The following PTPRD variants were observed in gnomAD, a reference collection of about 807,000 sequenced individuals.
The protein encoded by PTPRD is receptor-type tyrosine-protein phosphatase delta.
In PTPRD, 34 loss-of-function variants were observed where a neutral mutation model predicts 214.5. That is an observed-to-expected ratio of 0.16 (90% CI 0.12 to 0.21). The LOEUF is 0.21. Ranked by LOEUF, PTPRD falls within the 10% of genes least tolerant of loss-of-function variation. The pLI is 1.00. For missense variants in PTPRD, 2,545 were observed against 2,398.7 expected, an observed-to-expected ratio of 1.06 and a Z score of -1.27; for synonymous variants, 1,128 against 845.7, an observed-to-expected ratio of 1.33 and a Z score of -5.79.
At chr9:9,853,588 T>C (rs868650242) in intron 5 of PTPRD, among the ~76,000 whole-genome samples, 15 of 152,066 alleles carry the variant, frequency 9.9e-5, no homozygotes, top group South Asian at 6.2e-4. Context: ...GTCACTCTGT[T>C]GCCAGGCTGG....
At chr9:10,304,179 T>C (rs2095971322) in intron 3 of PTPRD, among the ~76,000 whole-genome samples, 2 of 152,090 alleles carry the variant, frequency 1.3e-5, no homozygotes, top group African/African-American at 4.8e-5. Flanking sequence ...ATTATCTCAA[T>C]AAATGCAGAA....
chr9:10,237,853 C>G (rs923678564), intron 3 of PTPRD, among the ~76,000 whole-genome samples: 29 of 151,830 alleles, frequency 1.9e-4, no homozygotes, highest in African/African-American at 6.3e-4. Context: ...CAAATTAGCA[C>G]CTATTACAAA....
At chr9:8,543,487 G>C (rs2079021331) in intron 14 of PTPRD, among the ~76,000 whole-genome samples, 1 of 152,120 alleles carries the variant, frequency 6.6e-6, no homozygotes, top group African/African-American at 2.4e-5. Flanking sequence ...ACTAAAGGAA[G>C]GAAGAATGTG....
chr9:9,653,614 T>C (rs980540543), intron 7 of PTPRD, among the ~76,000 whole-genome samples: 1 of 152,142 alleles, frequency 6.6e-6, no homozygotes, highest in African/African-American at 2.4e-5. Context: ...GAAACATTAC[T>C]GAACAGCATG....
chr9:8,480,921 C>T (rs1049160390), intron 30 of PTPRD, among the ~76,000 whole-genome samples: 1 of 151,960 alleles, frequency 6.6e-6, no homozygotes, highest in Non-Finnish European at 1.5e-5. Context: ...GGTTGGATCA[C>T]GAGGTCAGGA....
intron 6 of PTPRD, among the ~76,000 whole-genome samples, chr9:9,734,934 T>TA (rs762502107): frequency 3.2e-4 from 49 of 152,118 alleles, no homozygotes; most frequent in Non-Finnish European, 6.6e-4. Context: ...TTAATGTTTT[T>TA]ATGGGAGAAG....
chr9:9,046,626 C>T lies in PTPRD; in HGVS notation c.-142-27891G>A, dbSNP rs542583573. On this transcript the variant is annotated intron_variant, in intron 10 of 45. Transcript: ENST00000381196. The stretch of plus-strand genomic sequence containing the variant: ...GGTGATATTACTCTATGATAGGGGT[C>T]ATATAACTTTTTTATTAAAGGAATA... Among the ~76,000 whole-genome samples the T allele has an allele frequency of 3.4e-3, 514 of 152,160 alleles. 2 individuals are homozygous for T. The highest frequency in any genetic ancestry group is 0.011 in the African/African-American group (476 of 41,518).
intron 7 of PTPRD, among the ~76,000 whole-genome samples, chr9:9,597,023 G>T (rs1197754633): frequency 1.3e-5 from 2 of 151,950 alleles, no homozygotes; most frequent in Non-Finnish European, 2.9e-5. Flanking sequence ...GGCATGAGTG[G>T]AGATGAATAG....
intron 13 of PTPRD, among the ~76,000 whole-genome samples, chr9:8,634,457 T>C (rs1042098324): frequency 3.3e-5 from 5 of 152,066 alleles, no homozygotes; most frequent in African/African-American, 1.2e-4. Flanking sequence ...CCAGATTTTG[T>C]GTGTGCATGT....
At chr9:8,942,100 C>CT (rs371441072) in intron 11 of PTPRD, among the ~76,000 whole-genome samples, 195 of 152,294 alleles carry the variant, frequency 1.3e-3, no homozygotes, top group African/African-American at 4.6e-3. Flanking sequence ...GCCACTGCGC[C>CT]TGGCCTATAA....
At chr9:9,274,072 T>C (rs1369831905) in intron 9 of PTPRD, among the ~76,000 whole-genome samples, 1 of 151,232 alleles carries the variant, frequency 6.6e-6, no homozygotes, top group Non-Finnish European at 1.5e-5. Context: ...TCTCTCCCTG[T>C]ATACTATTTT....
intron 5 of PTPRD, among the ~76,000 whole-genome samples, chr9:9,813,651 T>C (rs2047863853): frequency 6.6e-6 from 1 of 152,088 alleles, no homozygotes; most frequent in East Asian, 1.9e-4. Context: ...AAGAAAAGTC[T>C]GGGGCAAAAC....
At chr9:9,693,880 G>C (rs535255618) in intron 7 of PTPRD, among the ~76,000 whole-genome samples, 80 of 152,114 alleles carry the variant, frequency 5.3e-4, no homozygotes, top group Non-Finnish European at 6.8e-4. Context: ...CTGCTATTAA[G>C]AGACTCTGTT....
At chr9:9,381,703 T>G (rs1170701933) in intron 9 of PTPRD, among the ~76,000 whole-genome samples, 2 of 139,152 alleles carry the variant, frequency 1.4e-5, no homozygotes, top group Non-Finnish European at 3.2e-5. Context: ...TGTTTTTTGT[T>G]TTTTGTTTTT....
At chr9:10,210,819 A>ATATATATGTATG (rs1554858769) in intron 3 of PTPRD, among the ~76,000 whole-genome samples, 2 of 70,182 alleles carry the variant, frequency 2.8e-5, no homozygotes, top group African/African-American at 1.6e-4. Flanking sequence ...ATATATATAT[A>ATATATATGTATG]TATGTATGTA....
At chr9:9,048,162 T>G (rs989938019) in intron 10 of PTPRD, among the ~76,000 whole-genome samples, 3 of 152,146 alleles carry the variant, frequency 2.0e-5, no homozygotes, top group Non-Finnish European at 4.4e-5. Context: ...CAAATACTGG[T>G]GAGGATGTGA....
At chr9:9,677,495 A>G (rs2096959224) in intron 7 of PTPRD, among the ~76,000 whole-genome samples, 1 of 152,148 alleles carries the variant, frequency 6.6e-6, no homozygotes, top group African/African-American at 2.4e-5. Flanking sequence ...AGATGCAGAA[A>G]AGGCCTTTGA....
At chr9:10,163,514 T>C (rs891624028) in intron 3 of PTPRD, among the ~76,000 whole-genome samples, 2 of 151,502 alleles carry the variant, frequency 1.3e-5, no homozygotes, top group African/African-American at 2.4e-5. Context: ...ACAATTCCAT[T>C]AAAGTTGCTG....
intron 7 of PTPRD, among the ~76,000 whole-genome samples, chr9:9,640,053 C>A (rs2095886821): frequency 6.6e-6 from 1 of 152,136 alleles, no homozygotes; most frequent in Non-Finnish European, 1.5e-5. Flanking sequence ...TCCTTGGTAA[C>A]TGAACCTTGA....
Sources: gnomAD v4.1 joint callset for allele counts (sites outside exome capture counted in the v4.1 genomes callset) on GRCh38, gnomAD v4.1.1 for gene constraint, MANE v1.5 for transcripts, NCBI Gene and HGNC (gene_info 2026-07-23, HGNC 2026-07-21) for gene names.